TTLL11: variants seen among roughly 807,000 people sequenced by gnomAD.
TTLL11 encodes tubulin tyrosine ligase like 11.
Under a neutral mutation model 51.7 loss-of-function variants are expected in TTLL11, and 42 were observed. The observed-to-expected ratio is 0.81, with a 90% CI of 0.64 to 1.05. TTLL11 has a LOEUF of 1.05. TTLL11 is among the 50% of genes least tolerant of loss of function. The pLI, the probability that TTLL11 is intolerant of heterozygous loss-of-function variation, is 0.00. For synonymous variants in TTLL11, 381 were observed against 383.5 expected (o/e 0.99, Z 0.08); for missense variants, 799 against 940.4 (o/e 0.85, Z 1.97).
At chr9:122,012,095 T>C (rs935462157) in intron 3 of TTLL11, among the ~76,000 whole-genome samples, 11 of 152,136 alleles carry the variant, frequency 7.2e-5, no homozygotes, top group Admixed American at 6.5e-4. Context: ...AGAAAAGAAG[T>C]TGAACAAGAA....
At chr9:122,070,953 C>A (rs1271248625) in intron 1 of TTLL11, among the ~76,000 whole-genome samples, 1 of 152,120 alleles carries the variant, frequency 6.6e-6, no homozygotes, top group Non-Finnish European at 1.5e-5. Context: ...ATGGAAGGAG[C>A]AGGCACCGTG....
At chr9:121,988,171 C>A (rs1291859355) in intron 4 of TTLL11, among the ~76,000 whole-genome samples, 3 of 151,192 alleles carry the variant, frequency 2.0e-5, no homozygotes, top group Admixed American at 6.6e-5. Context: ...GTCTATCCCC[C>A]CTACCTTCAC....
intron 6 of TTLL11, among the ~76,000 whole-genome samples, chr9:121,873,193 G>A (rs909625243): frequency 1.3e-5 from 2 of 152,108 alleles, no homozygotes; most frequent in African/African-American, 4.8e-5. Context: ...CCACAGTCAG[G>A]TGGTCATCTG....
At chr9:122,030,225 G>T (rs1844497724) in intron 3 of TTLL11, among the ~76,000 whole-genome samples, 2 of 148,416 alleles carry the variant, frequency 1.3e-5, no homozygotes, top group South Asian at 2.1e-4. Context: ...GTAATTATGA[G>T]GAACAGCTGA....
intron 1 of TTLL11, among the ~76,000 whole-genome samples, chr9:122,050,608 A>G (rs1003492024): frequency 6.6e-6 from 1 of 152,082 alleles, no homozygotes; most frequent in Admixed American, 6.5e-5. Context: ...CTGGAATTCA[A>G]TCCCTTGTGT....
chr9:121,911,781 G>C (rs989892228), intron 6 of TTLL11, among the ~76,000 whole-genome samples: 15 of 152,248 alleles, frequency 9.9e-5, no homozygotes, highest in African/African-American at 3.1e-4. Flanking sequence ...GGTCTGTTGT[G>C]GGGGTGGGGA....
chr9:122,037,702 C>G (rs1245145501), intron 2 of TTLL11, among the ~76,000 whole-genome samples: 2 of 152,158 alleles, frequency 1.3e-5, no homozygotes, highest in Non-Finnish European at 2.9e-5. Flanking sequence ...CCTTTTGCAC[C>G]TGAGCTTTCA....
intron 7 of TTLL11, among the ~76,000 whole-genome samples, chr9:121,869,560 C>A (rs1588082563): frequency 6.6e-6 from 1 of 152,116 alleles, no homozygotes; most frequent in South Asian, 2.1e-4. Context: ...TTAGTGGGAA[C>A]CTTCTTTGAT....
At chr9:121,935,164 G>T (rs908972970) in intron 6 of TTLL11, among the ~76,000 whole-genome samples, 4 of 151,168 alleles carry the variant, frequency 2.6e-5, no homozygotes, top group Admixed American at 2.0e-4. Flanking sequence ...TCACCATGTT[G>T]CCCAGGCTGG....
At chr9:121,874,348 A>G (rs753659750) in intron 6 of TTLL11, among the ~76,000 whole-genome samples, 22 of 152,152 alleles carry the variant, frequency 1.4e-4, no homozygotes, top group Non-Finnish European at 5.9e-5. Context: ...GTGGGTTACA[A>G]ATCCTATGTG....
chr9:121,963,093 C>T (rs1842288872), intron 6 of TTLL11, among the ~76,000 whole-genome samples: 1 of 152,088 alleles, frequency 6.6e-6, no homozygotes, highest in Non-Finnish European at 1.5e-5. Flanking sequence ...GCCACTCAAC[C>T]TCTCCAAGCC....
At chr9:121,846,320 T>C (rs555474785) in intron 8 of TTLL11, among the ~76,000 whole-genome samples, 10 of 152,158 alleles carry the variant, frequency 6.6e-5, no homozygotes, top group African/African-American at 2.2e-4. Flanking sequence ...AATAGATAAA[T>C]CTACTATTAT....
At chr9:121,846,398 A>T in intron 8 of TTLL11, among the ~76,000 whole-genome samples, 1 of 152,232 alleles carries the variant, frequency 6.6e-6, no homozygotes, top group East Asian at 1.9e-4. Context: ...TGGTAAGGGT[A>T]TAGTTGAACA....
intron 1 of TTLL11, among the ~76,000 whole-genome samples, chr9:122,082,847 C>A (rs1232438597): frequency 6.6e-6 from 1 of 151,938 alleles, no homozygotes; most frequent in East Asian, 1.9e-4. Context: ...GGCAACATAG[C>A]ACAATGCTGT....
At chr9:121,958,834 G>A (rs1842111515) in intron 6 of TTLL11, among the ~76,000 whole-genome samples, 1 of 152,180 alleles carries the variant, frequency 6.6e-6, no homozygotes. Flanking sequence ...ACAGGTGTAT[G>A]GGGAGATGGG....
chr9:121,937,253 T>C (rs940206815), intron 6 of TTLL11, among the ~76,000 whole-genome samples: 1 of 152,236 alleles, frequency 6.6e-6, no homozygotes, highest in Non-Finnish European at 1.5e-5. Context: ...GACTTTCACT[T>C]TGTGCCAGAT....
chr9:122,078,766 T>G (rs1845924121), intron 1 of TTLL11, among the ~76,000 whole-genome samples: 1 of 152,184 alleles, frequency 6.6e-6, no homozygotes, highest in Non-Finnish European at 1.5e-5. Flanking sequence ...ATTGAGTTGT[T>G]TCAAACCCCT....
At chr9:122,056,272 T>A (rs1322020125) in intron 1 of TTLL11, among the ~76,000 whole-genome samples, 1 of 152,132 alleles carries the variant, frequency 6.6e-6, no homozygotes, top group East Asian at 1.9e-4. Context: ...CACAAGAGAC[T>A]CGAGTCATAC....
chr9:121,922,966 A>G (rs1390599965), intron 6 of TTLL11, among the ~76,000 whole-genome samples: 1 of 152,256 alleles, frequency 6.6e-6, no homozygotes, highest in Non-Finnish European at 1.5e-5. Context: ...CACCTTACAC[A>G]TGCTAAGTTA....
Sources: allele counts gnomAD v4.1 joint callset (sites outside exome capture counted in the v4.1 genomes callset), GRCh38; gene constraint gnomAD v4.1.1; transcripts MANE v1.5; gene names NCBI Gene and HGNC (gene_info 2026-07-23, HGNC 2026-07-21).